ARHGAP42: variants seen among roughly 807,000 people sequenced by gnomAD.
ARHGAP42 encodes the protein rho GTPase-activating protein 42.
In ARHGAP42, 63 loss-of-function variants were observed where a neutral mutation model predicts 125.0. That is an observed-to-expected ratio of 0.50 (90% confidence interval 0.41 to 0.62). The LOEUF (loss-of-function observed/expected upper bound fraction) is 0.62, where lower values mean the gene tolerates loss of function less well. ARHGAP42 is among the 20% of genes least tolerant of loss of function. The pLI is 0.00. For synonymous variants in ARHGAP42, 339 were observed against 351.0 expected (o/e 0.97, Z 0.38); for missense variants, 766 against 1,024.2 (o/e 0.75, Z 3.44).
intron 3 of ARHGAP42, among the ~76,000 whole-genome samples, chr11:100,832,063 T>G (rs1864675410): frequency 6.6e-6 from 1 of 152,270 alleles, no homozygotes; most frequent in Non-Finnish European, 1.5e-5. Context: ...GCTGGATGAT[T>G]GGCTCAGTGG....
At chr11:100,878,038 CT>C (rs1865866046) in intron 4 of ARHGAP42, among the ~76,000 whole-genome samples, 1 of 150,162 alleles carries the variant, frequency 6.7e-6, no homozygotes, top group Admixed American at 6.6e-5. Flanking sequence ...GAGGTGTTAC[CT>C]ATCCTCAAGT....
intron 4 of ARHGAP42, among the ~76,000 whole-genome samples, chr11:100,874,326 TC>T (rs1224710390): frequency 6.6e-6 from 1 of 152,176 alleles, no homozygotes; most frequent in Non-Finnish European, 1.5e-5. Context: ...AGGCCCTGAT[TC>T]CCAGGACTGC....
At position 100,785,978 on chromosome 11, in the gene ARHGAP42, G is replaced by T. The variant is rs188241510; in HGVS notation, c.251-9127G>T. On this transcript the variant is annotated intron_variant, in intron 2 of 23. Transcript: ENST00000298815. ...TACCTACTAGCTCTGGGATTGTAGG[G>T]CAAGTTCTAGCTGATGGATTGTCCT... is the stretch of plus-strand genomic sequence containing the variant. Among the ~76,000 whole-genome samples the T allele has an allele frequency of 9.2e-4, 140 of 152,266 alleles. 1 individual carries two copies. Among genetic ancestry groups the T allele is most frequent in the African/African-American group, 3.2e-3 (135 of 41,546 alleles).
chr11:100,895,278 G>T (rs967766565), intron 4 of ARHGAP42, among the ~76,000 whole-genome samples: 2 of 152,048 alleles, frequency 1.3e-5, no homozygotes, highest in Non-Finnish European at 2.9e-5. Flanking sequence ...AGTAAAACGT[G>T]TTAGCTCACA....
At chr11:100,776,995 A>AG (rs1478677695) in intron 2 of ARHGAP42, among the ~76,000 whole-genome samples, 3 of 152,054 alleles carry the variant, frequency 2.0e-5, no homozygotes, top group Non-Finnish European at 4.4e-5. Context: ...AAAAAAAAAA[A>AG]AAAAAACACG....
At chr11:100,921,106 C>A (rs1867230057) in intron 5 of ARHGAP42, among the ~76,000 whole-genome samples, 1 of 149,674 alleles carries the variant, frequency 6.7e-6, no homozygotes, top group South Asian at 2.1e-4. Flanking sequence ...TCTTAAGATT[C>A]AACTCAAATA....
intron 1 of ARHGAP42, among the ~76,000 whole-genome samples, chr11:100,737,934 T>A (rs1304429718): frequency 6.6e-6 from 1 of 152,220 alleles, no homozygotes; most frequent in East Asian, 1.9e-4. Context: ...CGTGGTCATT[T>A]CTTTTTTTCA....
At chr11:100,934,047 A>G (rs1867660132) in intron 7 of ARHGAP42, among the ~76,000 whole-genome samples, 1 of 152,148 alleles carries the variant, frequency 6.6e-6, no homozygotes. Context: ...ACGGCCTCCC[A>G]AGTGCTGGGA....
chr11:100,903,191 T>A (rs1211062985), intron 4 of ARHGAP42, among the ~76,000 whole-genome samples: 1 of 149,278 alleles, frequency 6.7e-6, no homozygotes, highest in African/African-American at 2.5e-5. Context: ...CTCAGGCAGT[T>A]TTCCTGAAAA....
At chr11:100,786,639 G>C (rs1565213715) in intron 2 of ARHGAP42, among the ~76,000 whole-genome samples, 1 of 152,104 alleles carries the variant, frequency 6.6e-6, no homozygotes, top group Non-Finnish European at 1.5e-5. Flanking sequence ...TTCTGGGAGA[G>C]TATCCTAAGG....
intron 1 of ARHGAP42, among the ~76,000 whole-genome samples, chr11:100,696,053 A>T (rs1861276829): frequency 6.6e-6 from 1 of 152,112 alleles, no homozygotes; most frequent in South Asian, 2.1e-4. Flanking sequence ...ACGAAACCCC[A>T]TCTCTACAAA....
At chr11:100,935,677 C>CACACAGAG (rs143859109) in intron 7 of ARHGAP42, among the ~76,000 whole-genome samples, 12 of 146,712 alleles carry the variant, frequency 8.2e-5, no homozygotes, top group South Asian at 4.4e-4. Flanking sequence ...CACACACACA[C>CACACAGAG]AGAGAGAGAG....
At chr11:100,933,362 AC>A in intron 7 of ARHGAP42, 102 bp downstream of exon 7, 1 of 691,024 alleles carries the variant, frequency 1.4e-6, no homozygotes, top group Non-Finnish European at 2.3e-6. Flanking sequence ...GGAAAATACA[AC>A]CCACAAAACC....
intron 1 of ARHGAP42, among the ~76,000 whole-genome samples, chr11:100,723,697 T>C (rs1393042317): frequency 6.6e-6 from 1 of 152,206 alleles, no homozygotes; most frequent in Non-Finnish European, 1.5e-5. Context: ...ATGTACAGTC[T>C]TGTCATCTGT....
At chr11:100,865,353 A>C (rs1176092057) in intron 4 of ARHGAP42, among the ~76,000 whole-genome samples, 1 of 152,198 alleles carries the variant, frequency 6.6e-6, no homozygotes, top group African/African-American at 2.4e-5. Flanking sequence ...CTTGTCTCAA[A>C]ATAAAAATGG....
chr11:100,903,472 A>G (rs1387452106), intron 4 of ARHGAP42, among the ~76,000 whole-genome samples: 1 of 151,572 alleles, frequency 6.6e-6, no homozygotes, highest in Non-Finnish European at 1.5e-5. Context: ...GAAATCTTCA[A>G]ATTCACCCAG....
intron 1 of ARHGAP42, among the ~76,000 whole-genome samples, chr11:100,692,750 G>C (rs143768918): frequency 5.7e-4 from 87 of 152,258 alleles, no homozygotes; most frequent in Non-Finnish European, 1.1e-3. Context: ...TACCCTGAGT[G>C]TCCACAGACC....
chr11:100,916,050 C>T (rs1212822006), intron 5 of ARHGAP42, among the ~76,000 whole-genome samples: 2 of 152,148 alleles, frequency 1.3e-5, no homozygotes, highest in African/African-American at 4.8e-5. Flanking sequence ...CAGCTGACTC[C>T]TTATTCATTT....
chr11:100,950,557 G>C (rs557114757), intron 12 of ARHGAP42, among the ~76,000 whole-genome samples: 1 of 151,430 alleles, frequency 6.6e-6, no homozygotes, highest in African/African-American at 2.4e-5. Flanking sequence ...TGTTTTTACT[G>C]TATTATTAGT....
Sources: gnomAD v4.1 joint callset for allele counts (sites outside exome capture counted in the v4.1 genomes callset) on GRCh38, gnomAD v4.1.1 for gene constraint, MANE v1.5 for transcripts, NCBI Gene and HGNC (gene_info 2026-07-23, HGNC 2026-07-21) for gene names.